PTPRT: variants seen among roughly 807,000 people sequenced by gnomAD.
PTPRT encodes receptor-type tyrosine-protein phosphatase T.
A neutral mutation model predicts 176.8 loss-of-function variants in PTPRT; 56 were observed. The observed-to-expected ratio is 0.32, with a 90% CI of 0.26 to 0.40. PTPRT has a LOEUF of 0.40. PTPRT is among the 10% of genes least tolerant of loss of function. PTPRT has a pLI of 1.00. For missense variants in PTPRT, 1,540 were observed against 1,908.2 expected (o/e 0.81, Z 3.60); for synonymous variants, 783 against 739.0 (o/e 1.06, Z -0.96).
chr20:42,345,580 ATATGTGTGTG>A (rs1214160130), intron 11 of PTPRT, among the ~76,000 whole-genome samples: 5 of 86,462 alleles, frequency 5.8e-5, no homozygotes, highest in Admixed American at 1.2e-4. Context: ...ACATACATAT[ATATGTGTGTG>A]TGTGTGTGTG....
At chr20:42,986,042 C>T (rs1439095384) in intron 1 of PTPRT, among the ~76,000 whole-genome samples, 3 of 152,182 alleles carry the variant, frequency 2.0e-5, no homozygotes, top group Admixed American at 6.5e-5. Flanking sequence ...TCCAAGTTAC[C>T]GCGGATCATT....
At chr20:43,063,063 T>A (rs894426122) in intron 1 of PTPRT, among the ~76,000 whole-genome samples, 2 of 152,168 alleles carry the variant, frequency 1.3e-5, no homozygotes, top group African/African-American at 4.8e-5. Flanking sequence ...CTATTTAGGC[T>A]TATAAATAAT....
At chr20:42,151,627 T>C (rs557072555) in intron 17 of PTPRT, among the ~76,000 whole-genome samples, 45 of 152,366 alleles carry the variant, frequency 3.0e-4, no homozygotes, top group African/African-American at 1.0e-3. Context: ...TATGTCTTTA[T>C]AGTAGAATTA....
intron 11 of PTPRT, among the ~76,000 whole-genome samples, chr20:42,327,585 A>G (rs1287610000): frequency 6.6e-6 from 1 of 152,080 alleles, no homozygotes; most frequent in African/African-American, 2.4e-5. Context: ...TTGAATAACC[A>G]TTTGAGAGAC....
chr20:42,272,874 T>C (rs1249505829), intron 13 of PTPRT, among the ~76,000 whole-genome samples: 4 of 152,194 alleles, frequency 2.6e-5, no homozygotes, highest in Non-Finnish European at 5.9e-5. Context: ...CTCTCTTGCC[T>C]TCAGTGATTT....
the PTPRT span, among the ~76,000 whole-genome samples, chr20:42,053,010 A>C: frequency 1.3e-5 from 2 of 152,202 alleles, no homozygotes; most frequent in Non-Finnish European, 2.9e-5. Context: ...TCTGCCATAG[A>C]CAATTTGTAA....
chr20:42,260,162 CAA>C (rs1320912496), intron 13 of PTPRT, among the ~76,000 whole-genome samples: 1 of 145,664 alleles, frequency 6.9e-6, no homozygotes, highest in Non-Finnish European at 1.6e-5. Context: ...TCTGCTTAAA[CAA>C]AACTAGACTA....
intron 2 of PTPRT, among the ~76,000 whole-genome samples, chr20:42,811,328 G>A (rs369944887): frequency 7.9e-5 from 12 of 152,098 alleles, no homozygotes; most frequent in East Asian, 3.9e-4. Flanking sequence ...GCGGATGGAC[G>A]GAAGAATAGG....
At chr20:42,911,784 CA>C (rs1230048888) in intron 1 of PTPRT, among the ~76,000 whole-genome samples, 2 of 151,888 alleles carry the variant, frequency 1.3e-5, no homozygotes, top group African/African-American at 4.8e-5. Context: ...ACTTTTTTTC[CA>C]ACAACAGATA....
chr20:43,099,000 A>T (rs908052535), intron 1 of PTPRT, among the ~76,000 whole-genome samples: 1 of 152,094 alleles, frequency 6.6e-6, no homozygotes, highest in African/African-American at 2.4e-5. Flanking sequence ...TGCAGGATTT[A>T]TGCCAGGCTT....
At chr20:42,709,133 C>G (rs1014507279) in intron 6 of PTPRT, among the ~76,000 whole-genome samples, 1 of 152,206 alleles carries the variant, frequency 6.6e-6, no homozygotes, top group African/African-American at 2.4e-5. Flanking sequence ...ACCTAAGGTC[C>G]TTCGGGACAG....
chr20:42,210,793 T>G (rs1184841577), intron 15 of PTPRT, among the ~76,000 whole-genome samples: 1 of 152,138 alleles, frequency 6.6e-6, no homozygotes, highest in African/African-American at 2.4e-5. Context: ...TGGAAAAAAC[T>G]ACTTTAAAAT....
At chr20:42,181,888 T>A (rs926707676) in intron 16 of PTPRT, among the ~76,000 whole-genome samples, 3 of 151,170 alleles carry the variant, frequency 2.0e-5, no homozygotes, top group East Asian at 1.9e-4. Flanking sequence ...GGGACTAGAA[T>A]GTAGTAAAAT....
Position 42,706,179 on chromosome 20 carries a change from TTGTGTGTGTGTGTGTGTG to T in PTPRT, c.860-28038_860-28021del, listed in dbSNP as rs369232610. Among the ~76,000 whole-genome samples, 19 of 123,554 alleles carry T rather than the reference TTGTGTGTGTGTGTGTGTG, an allele frequency of 1.5e-4. 1 individual carries two copies. The highest frequency in any genetic ancestry group is 4.3e-4 in the African/African-American group (16 of 37,452). 81.1% of individuals were successfully genotyped at this position (123,554 alleles called of 152,430 possible). On this transcript the variant is annotated intron_variant, in intron 6 of 30. Coordinates refer to ENST00000373187, the MANE Select transcript of PTPRT (RefSeq NM_007050.6). Reference sequence around the variant, plus strand: ...TCTTTATCTCTCTCTCTCTCTCTGTTTGTGTGTGTGTGTGTGTGTGTGTGTGTGTGTGTGTGTGTATGT... The same window carrying T: ...TCTTTATCTCTCTCTCTCTCTCTGTTTGTGTGTGTGTGTGTGTGTGTATGT...
chr20:42,788,702 C>A (rs968420734), intron 3 of PTPRT, among the ~76,000 whole-genome samples: 33 of 152,126 alleles, frequency 2.2e-4, no homozygotes, highest in Non-Finnish European at 4.4e-5. Context: ...CAACACAGAC[C>A]AAGGCATTAC....
Position 43,057,345 on chromosome 20 carries a change from G to A in PTPRT, c.88+132301C>T, listed in dbSNP as rs1383652757. Among the ~76,000 whole-genome samples, 3 of 118,478 alleles carry A rather than the reference G, an allele frequency of 2.5e-5. No homozygotes were observed. The Admixed American group carries it at 2.5e-4, about 10-fold the overall frequency. 77.7% of individuals were successfully genotyped at this position (118,478 alleles called of 152,430 possible). ...GGGGAAGGGGAGAAGGAGGGGAGGG[G>A]AGAAAGGAAGGAAGGGCAGGGAGGT... On this transcript the variant is annotated intron_variant, in intron 1 of 30. Coordinates refer to ENST00000373187, the MANE Select transcript of PTPRT (RefSeq NM_007050.6).
intron 6 of PTPRT, among the ~76,000 whole-genome samples, chr20:42,716,207 C>T (rs6103009): frequency 8.7e-4 from 132 of 152,178 alleles, no homozygotes; most frequent in African/African-American, 3.0e-3. Flanking sequence ...AACTAAACCA[C>T]AGACATGTGA....
chr20:42,959,265 C>G (rs952710774), intron 1 of PTPRT, among the ~76,000 whole-genome samples: 8 of 152,058 alleles, frequency 5.3e-5, no homozygotes, highest in African/African-American at 1.4e-4. Context: ...TAGAATACTA[C>G]CTGGTTCATA....
intron 15 of PTPRT, among the ~76,000 whole-genome samples, chr20:42,226,372 C>T (rs1483819041): frequency 6.6e-6 from 1 of 152,180 alleles, no homozygotes; most frequent in Non-Finnish European, 1.5e-5. Flanking sequence ...CCAGGAAGCT[C>T]AGGGCTTTTT....
Sources: allele counts gnomAD v4.1 joint callset (sites outside exome capture counted in the v4.1 genomes callset), GRCh38; gene constraint gnomAD v4.1.1; transcripts MANE v1.5; gene names NCBI Gene and HGNC (gene_info 2026-07-23, HGNC 2026-07-21).